Variants in FBXL22 observed in about 807,000 individuals in gnomAD.
FBXL22 encodes F-box and leucine-rich protein 22.
In FBXL22, 13 loss-of-function variants were observed where a neutral mutation model predicts 11.7. The observed-to-expected ratio is 1.11, with a 90% CI of 0.73 to 1.77. FBXL22 has a LOEUF of 1.77. Among genes scored for constraint, FBXL22 ranks in the 40% most tolerant of loss-of-function variants. The pLI is 0.00. For missense variants in FBXL22, 406 were observed against 320.4 expected, an observed-to-expected ratio of 1.27 and a Z score of -2.04; for synonymous variants, 160 against 144.1, an observed-to-expected ratio of 1.11 and a Z score of -0.79.
At chr15:63,598,088 G>A (rs141771513) in intron 1 of FBXL22, among the ~76,000 whole-genome samples, 66 of 152,214 alleles carry the variant, frequency 4.3e-4, no homozygotes, top group African/African-American at 1.5e-3. Context: ...TCCAGATGCA[G>A]CAATCAGCTC....
the FBXL22 span, among the ~76,000 whole-genome samples, chr15:63,607,447 C>T: frequency 2.4e-3 from 372 of 152,352 alleles, 1 homozygote; most frequent in Non-Finnish European, 3.2e-3. Flanking sequence ...GCTCTTAGAT[C>T]GGTATTAAAG....
chr15:63,597,606 C>T lies in FBXL22; in HGVS notation c.214C>T (p.Arg72Cys), dbSNP rs768771078. 28 of 1,613,716 alleles carry T rather than the reference C, an allele frequency of 1.7e-5. No homozygotes were observed. Among genetic ancestry groups the T allele is most frequent in the East Asian group, 6.7e-5 (3 of 44,896 alleles). ...KDNFLLGPAL[R>C]SLSICWHSSR... Reference sequence around the variant, plus strand: ...CAACTTCCTCCTGGGCCCGGCACTCCGCAGCCTCTCCATCTGCTGGCACTC... The same window carrying T: ...CAACTTCCTCCTGGGCCCGGCACTCTGCAGCCTCTCCATCTGCTGGCACTC... Residue 72 changes from arginine (R) to cysteine (C), a missense_variant, in exon 1 of 2, where the codon CGC becomes TGC. Coordinates refer to ENST00000638704, the MANE Select transcript of FBXL22 (RefSeq NM_001367807.1). This position sits in a 1 kb window ranked among gnomAD's most constrained non-coding sequence, Gnocchi z 4.3.
downstream of FBXL22, among the ~76,000 whole-genome samples, chr15:63,606,338 A>G (rs899089159): frequency 1.3e-5 from 2 of 152,238 alleles, no homozygotes; most frequent in Non-Finnish European, 2.9e-5. Context: ...ACTTTGAAGG[A>G]TGTCTGGAGA....
the FBXL22 span, among the ~76,000 whole-genome samples, chr15:63,608,063 T>A: frequency 1.3e-5 from 2 of 152,258 alleles, no homozygotes; most frequent in African/African-American, 4.8e-5. Context: ...AATTCACACA[T>A]TCACTCACTC....
chr15:63,600,126 A>T, intron 1 of FBXL22: 1 of 985,754 alleles, frequency 1.0e-6, no homozygotes, highest in Non-Finnish European at 1.2e-6. Context: ...CTGGTGGCCC[A>T]GGGGATGCAG....
intron 1 of FBXL22, chr15:63,599,784 C>G (rs376355828): frequency 1.0e-6 from 1 of 986,138 alleles, no homozygotes; most frequent in Non-Finnish European, 1.2e-6. Flanking sequence ...GCCCATTAGT[C>G]GGTCCTTCTG....
rs1261325378 is a variant in FBXL22, at chr15:63,597,717, A to G, written c.325A>G (p.Asn109Asp). Residue 109 changes from asparagine to aspartate, a missense_variant, in exon 1 of 2, where the codon AAT (asparagine) becomes GAT (aspartate). Transcript: ENST00000638704. This position sits in a 1 kb window ranked among gnomAD's most constrained non-coding sequence, Gnocchi z 4.3. Reference protein sequence around the residue: ...SICSRHESLVNDFLLRVCDRC... With the variant: ...SICSRHESLVDDFLLRVCDRC... ...CTGCAGCCGGCACGAGAGCCTGGTC[A>G]ATGATTTCCTCCTCCGGGTGTGCGA... is the stretch of plus-strand genomic sequence containing the variant. 1.1e-5 allele frequency: 18 copies of G among 1,593,622 alleles called. No homozygotes were observed. The highest frequency in any genetic ancestry group is 3.3e-4 in the Middle Eastern group (2 of 6,014).
downstream of FBXL22, chr15:63,601,491 C>T: frequency 6.5e-7 from 1 of 1,549,716 alleles, no homozygotes; most frequent in Non-Finnish European, 8.7e-7. Context: ...AGCGACCCAG[C>T]GAGACCCCGC....
chr15:63,604,358 G>T (rs546817758), downstream of FBXL22, among the ~76,000 whole-genome samples: 1 of 152,250 alleles, frequency 6.6e-6, no homozygotes, highest in Non-Finnish European at 1.5e-5. Context: ...TGTAGTAAGG[G>T]TTAAGTTCCC....
At chr15:63,599,423 G>C in intron 1 of FBXL22, 1 of 1,361,376 alleles carries the variant, frequency 7.3e-7, no homozygotes, top group Non-Finnish European at 9.4e-7. Context: ...TGACAAATGA[G>C]GAAGTGACGC....
the FBXL22 span, among the ~76,000 whole-genome samples, chr15:63,608,340 G>A: frequency 3.9e-5 from 6 of 152,186 alleles, 1 homozygote; most frequent in South Asian, 2.1e-4. Flanking sequence ...TGAGAGGGGC[G>A]GAGCAGCTGA....
chr15:63,598,274 C>G (rs1337830034), intron 1 of FBXL22, among the ~76,000 whole-genome samples: 1 of 152,080 alleles, frequency 6.6e-6, no homozygotes, highest in African/African-American at 2.4e-5. Context: ...GTGGCTTAGC[C>G]TAATTTTTCA....
chr15:63,599,250 G>A, intron 1 of FBXL22: 7 of 1,531,342 alleles, frequency 4.6e-6, no homozygotes, highest in Non-Finnish European at 6.1e-6. Context: ...CTCAGGTCGG[G>A]AGGAATGGCT....
chr15:63,605,855 G>T (rs947056883), downstream of FBXL22, among the ~76,000 whole-genome samples: 2 of 152,350 alleles, frequency 1.3e-5, no homozygotes, highest in East Asian at 3.9e-4. Flanking sequence ...AGGCTGACCT[G>T]TCACCACGTT....
At position 63,601,060 on chromosome 15, in the gene FBXL22, C is replaced by T. The variant is rs1215936056; in HGVS notation, c.*21C>T. ...GCTAGACGCCGCCCCGCCGCTGCCC[C>T]CGGGGAAGGAGCGCAGCCCCAGACC... On this transcript the variant is annotated 3_prime_UTR_variant, in exon 2 of 2. Transcript: ENST00000638704. 8.1e-7 allele frequency: 1 copy of T among 1,231,358 alleles called. No homozygotes were observed. Among genetic ancestry groups the T allele is most frequent in the Non-Finnish European group, 1.0e-6 (1 of 987,622 alleles). The allele number at this position is 1,231,358 out of a possible 1,614,324, so 76.3% of individuals were successfully genotyped here. A position where few individuals can be genotyped will look rare whatever the true frequency, so the allele number is the denominator to read the frequency against.
rs1206215406 is a variant in FBXL22 at position 63,601,174 on chromosome 15, A to G, written c.*135A>G. Reference sequence around the variant, plus strand: ...TCCCCGTCTGCACAGTGGGGATAAGAAAGCCTACCTCACGTTACGATTTTA... The same window carrying G: ...TCCCCGTCTGCACAGTGGGGATAAGGAAGCCTACCTCACGTTACGATTTTA... On this transcript the variant is annotated 3_prime_UTR_variant, in exon 2 of 2. Transcript: ENST00000638704. The G allele has an allele frequency of 1.4e-6, 2 of 1,450,386 alleles. No homozygotes were observed. Among genetic ancestry groups the G allele is most frequent in the Non-Finnish European group, 1.8e-6 (2 of 1,109,426 alleles). 89.8% of individuals were successfully genotyped at this position (1,450,386 alleles called of 1,614,324 possible).
Position 63,597,660 on chromosome 15 carries a change from G to C in FBXL22, c.268G>C (p.Asp90His). The C allele has an allele frequency of 6.2e-7, 1 of 1,612,272 alleles. No homozygotes were observed. ...CCGCGTGCAGGTGTGCAGCATTGAG[G>C]ACTGGCTCAAGAGTGCCTTCCAGAG... ...SSRVQVCSIE[D>H]WLKSAFQRSI... Residue 90 changes from aspartate (D) to histidine (H), a missense_variant, in exon 1 of 2, where the codon GAC becomes CAC. Coordinates refer to ENST00000638704, the MANE Select transcript of FBXL22 (RefSeq NM_001367807.1). This position sits in a 1 kb window ranked among gnomAD's most constrained non-coding sequence, Gnocchi z 4.3.
chr15:63,599,686 G>A (rs1230507157), intron 1 of FBXL22: 4 of 987,008 alleles, frequency 4.1e-6, no homozygotes, highest in Non-Finnish European at 4.8e-6. Context: ...GGGCAGTCAC[G>A]GAGCTGCGGG....
At chr15:63,598,732 G>A (rs1051280980) in intron 1 of FBXL22, among the ~76,000 whole-genome samples, 11 of 152,218 alleles carry the variant, frequency 7.2e-5, no homozygotes, top group South Asian at 2.1e-4. Flanking sequence ...AGGAAACAGC[G>A]TAGTGACCCC....
Sources: gnomAD v4.1 joint callset for allele counts (sites outside exome capture counted in the v4.1 genomes callset) on GRCh38, gnomAD v4.1.1 for gene constraint, Gnocchi (gnomAD v3.1) non-coding constraint, MANE v1.5 for transcripts, NCBI Gene and HGNC (gene_info 2026-07-23, HGNC 2026-07-21) for gene names.